SPAST: variants seen among roughly 807,000 people sequenced by gnomAD.
The protein encoded by SPAST is spastic paraplegia 4 (autosomal dominant; spastin).
In SPAST, 30 loss-of-function variants were observed where a neutral mutation model predicts 76.6. The ratio of observed to expected loss-of-function variants is 0.39; its 90% confidence interval spans 0.29 to 0.53. SPAST has a LOEUF of 0.53. Among genes scored for constraint, SPAST ranks in the 20% least tolerant of loss-of-function variants. The pLI, the probability that SPAST is intolerant of heterozygous loss-of-function variation, is 0.68. For missense variants in SPAST, 717 were observed against 770.5 expected (o/e 0.93, Z 0.82); for synonymous variants, 305 against 281.0 (o/e 1.09, Z -0.86).
chr2:32,068,753 A>C (rs1676626191), intron 1 of SPAST, among the ~76,000 whole-genome samples: 1 of 151,972 alleles, frequency 6.6e-6, no homozygotes, highest in Non-Finnish European at 1.5e-5. Context: ...CTTTAGCCGG[A>C]TGTGGTGGCG....
At chr2:32,143,307 C>A (rs767017608) in intron 13 of SPAST, 29 bp from the exon 14 acceptor site, 5 of 1,252,280 alleles carry the variant, frequency 4.0e-6, no homozygotes, top group Non-Finnish European at 5.8e-6. Flanking sequence ...TGAAATTAGA[C>A]TGAATGATCA....
At chr2:32,067,219 G>A (rs1466671656) in intron 1 of SPAST, among the ~76,000 whole-genome samples, 3 of 151,976 alleles carry the variant, frequency 2.0e-5, no homozygotes, top group East Asian at 1.9e-4. Context: ...ATGCCACCAC[G>A]CCCAGCTAAT....
chr2:32,089,975 A>G (rs916738218), intron 3 of SPAST, among the ~76,000 whole-genome samples: 1 of 152,220 alleles, frequency 6.6e-6, no homozygotes, highest in Non-Finnish European at 1.5e-5. Flanking sequence ...CATGTTAGCC[A>G]GAATGGTGTC....
chr2:32,087,520 G>C lies in SPAST; in HGVS notation c.444G>C (p.Trp148Cys). 1 of 1,607,766 alleles carries C rather than the reference G, an allele frequency of 6.2e-7. No homozygotes were observed. Among genetic ancestry groups the C allele is most frequent in the Non-Finnish European group, 8.5e-7 (1 of 1,175,174 alleles). ...GACAGAAGGAGCAAGCTGTGGAATG[G>C]TATAAGAAAGGTATTGAAGAACTGG... is the stretch of plus-strand genomic sequence containing the variant. ...KAGQKEQAVE[W>C]YKKGIEELEK... Residue 148 changes from tryptophan (W) to cysteine (C), a missense_variant, in exon 2 of 17, where the codon TGG becomes TGC. Coordinates refer to ENST00000315285, the MANE Select transcript of SPAST (RefSeq NM_014946.4).
intron 12 of SPAST, 88 bp from the exon 13 acceptor site, chr2:32,141,813 ATAT>A: frequency 9.9e-7 from 1 of 1,005,442 alleles, no homozygotes; most frequent in South Asian, 1.4e-5. Context: ...AGTGCCTTGA[ATAT>A]TATATTTTAA....
intron 4 of SPAST, among the ~76,000 whole-genome samples, chr2:32,099,411 A>C (rs1268622007): frequency 6.6e-6 from 1 of 152,178 alleles, no homozygotes; most frequent in Non-Finnish European, 1.5e-5. Flanking sequence ...ATCCTTCATA[A>C]ACTTTTGGAT....
At chr2:32,117,313 A>G (rs1208930113) in intron 7 of SPAST, among the ~76,000 whole-genome samples, 1 of 151,998 alleles carries the variant, frequency 6.6e-6, no homozygotes, top group African/African-American at 2.4e-5. Flanking sequence ...ATATTAAGAG[A>G]AGGAAATCAG....
intron 1 of SPAST, among the ~76,000 whole-genome samples, chr2:32,081,214 C>T (rs1388150511): frequency 6.6e-6 from 1 of 152,098 alleles, no homozygotes; most frequent in East Asian, 1.9e-4. Flanking sequence ...GCCTCAGCCT[C>T]CCAAAGTGCT....
At chr2:32,126,230 A>G (rs751611419) in intron 7 of SPAST, among the ~76,000 whole-genome samples, 27 of 152,274 alleles carry the variant, frequency 1.8e-4, no homozygotes, top group Middle Eastern at 3.4e-3. Flanking sequence ...GTATCCCTTC[A>G]CAAGTAGGCA....
rs547096247 is a variant in SPAST at position 32,135,559 on chromosome 2, GACTCATT to G, written c.1246-1000_1246-994del. ...TACAGTAGATTATCACAGACCTCATGACTCATTACTTTGGTGTATAAAATGGCCTTTG... is the reference window on the plus strand; with the variant it reads ...TACAGTAGATTATCACAGACCTCATGACTTTGGTGTATAAAATGGCCTTTG... On this transcript the variant is annotated intron_variant, in intron 9 of 16. Coordinates refer to ENST00000315285, the MANE Select transcript of SPAST (RefSeq NM_014946.4). Among the ~76,000 whole-genome samples, 4 of 152,258 alleles carry G rather than the reference GACTCATT, an allele frequency of 2.6e-5. No individual in the cohort carries two copies. In the East Asian group the frequency reaches 7.7e-4, roughly 29 times the overall value.
intron 16 of SPAST, among the ~76,000 whole-genome samples, chr2:32,151,892 C>G (rs1018332195): frequency 2.0e-5 from 3 of 148,414 alleles, no homozygotes; most frequent in Non-Finnish European, 3.0e-5. Flanking sequence ...GTCTGTGCGA[C>G]AGGAGCGAGA....
chr2:32,112,567 CA>C (rs957481442), intron 4 of SPAST, among the ~76,000 whole-genome samples: 1 of 152,066 alleles, frequency 6.6e-6, no homozygotes, highest in Non-Finnish European at 1.5e-5. Context: ...AGGCTTGTCT[CA>C]AACTCCTGAC....
At position 32,089,507 on chromosome 2, in the gene SPAST, A is replaced by AT. The variant is rs770898376; in HGVS notation, c.503-8dup. Reference sequence around the variant, plus strand: ...TTGGGAAATGTAGATATTTTAATTAATTTTTTTCTTTCAGGTGAACAGTGT... The same window carrying AT: ...TTGGGAAATGTAGATATTTTAATTAATTTTTTTTCTTTCAGGTGAACAGTGT... On this transcript the variant is annotated splice_polypyrimidine_tract_variant and intron_variant, in intron 2 of 16. Coordinates refer to ENST00000315285, the MANE Select transcript of SPAST (RefSeq NM_014946.4). 2.7e-6 allele frequency: 4 copies of AT among 1,456,472 alleles called. No individual in the cohort carries two copies. The highest frequency in any genetic ancestry group is 3.9e-6 in the Non-Finnish European group (4 of 1,037,214). 90.2% of individuals were successfully genotyped at this position (1,456,472 alleles called of 1,614,324 possible). A position where few individuals can be genotyped will look rare whatever the true frequency, so the allele number is the denominator to read the frequency against.
At chr2:32,143,903 C>T (rs1181439394) in intron 14 of SPAST, among the ~76,000 whole-genome samples, 1 of 152,146 alleles carries the variant, frequency 6.6e-6, no homozygotes, top group Non-Finnish European at 1.5e-5. Flanking sequence ...TGCACACTAA[C>T]ACAGATATTT....
rs1050473830 is a variant in SPAST, at chr2:32,149,377, C to T, written c.1728+2119C>T. Among the ~76,000 whole-genome samples the T allele has an allele frequency of 9.2e-5, 14 of 151,646 alleles. No homozygotes were observed. In the East Asian group the frequency reaches 1.6e-3, roughly 17 times the overall value. The stretch of plus-strand genomic sequence containing the variant: ...CCTCCCTAAGTGCAAGGATTACAGG[C>T]GTGAGCCACCATGCCTGGCCAATTT... On this transcript the variant is annotated intron_variant, in intron 16 of 16. Transcript: ENST00000315285.
chr2:32,089,844 A>T (rs1042735683), intron 3 of SPAST, among the ~76,000 whole-genome samples: 4 of 152,014 alleles, frequency 2.6e-5, no homozygotes, highest in African/African-American at 9.7e-5. Flanking sequence ...GCTCACTGCA[A>T]GCTCTACCTC....
chr2:32,097,387 A>G (rs3769605), intron 3 of SPAST, among the ~76,000 whole-genome samples: 43,798 of 152,032 alleles, frequency 0.29, 6,667 homozygotes, highest in East Asian at 0.55. Context: ...CATCCATCCC[A>G]TTCTATGCCC....
intron 4 of SPAST, among the ~76,000 whole-genome samples, chr2:32,111,462 A>G (rs999804282): frequency 3.3e-5 from 5 of 150,208 alleles, no homozygotes; most frequent in Non-Finnish European, 7.4e-5. Flanking sequence ...TATATAGAGT[A>G]TATATAGTTA....
chr2:32,116,290 T>C, intron 7 of SPAST, 78 bp downstream of exon 7: 2 of 899,964 alleles, frequency 2.2e-6, no homozygotes, highest in Non-Finnish European at 1.8e-6. Flanking sequence ...TAAAGAAATA[T>C]TTGAGCTATA....
Sources: allele counts gnomAD v4.1 joint callset (sites outside exome capture counted in the v4.1 genomes callset), GRCh38; gene constraint gnomAD v4.1.1; transcripts MANE v1.5; gene names NCBI Gene and HGNC (gene_info 2026-07-23, HGNC 2026-07-21).